The following DDHD2 variants were observed in gnomAD, a reference collection of about 807,000 sequenced individuals.
DDHD2 encodes the protein triacylglycerol hydrolase DDHD2.
Under a neutral mutation model 91.2 loss-of-function variants are expected in DDHD2, and 62 were observed. The observed-to-expected ratio is 0.68, with a 90% CI of 0.55 to 0.84. DDHD2 has a LOEUF of 0.84. DDHD2 is among the 40% of genes least tolerant of loss of function. The pLI, the probability that DDHD2 is intolerant of heterozygous loss-of-function variation, is 0.00. For missense variants in DDHD2, 740 were observed against 846.9 expected (o/e 0.87, Z 1.57); for synonymous variants, 271 against 293.9 (o/e 0.92, Z 0.80).
At chr8:38,236,355 GTTT>G (rs1382032419) in intron 3 of DDHD2, among the ~76,000 whole-genome samples, 1 of 144,322 alleles carries the variant, frequency 6.9e-6, no homozygotes, top group African/African-American at 2.6e-5. Context: ...TTTTGTTTTT[GTTT>G]TTGTTTTTGT....
intron 11 of DDHD2, 157 bp from the exon 12 acceptor site, chr8:38,251,755 T>G: frequency 1.7e-6 from 1 of 579,800 alleles, no homozygotes; most frequent in Middle Eastern, 4.5e-4. Context: ...TCCCCATACT[T>G]TTTTTTTAAA....
chr8:38,242,320 G>A lies in DDHD2; in HGVS notation c.783G>A (p.Gln261=), dbSNP rs1563303384. The A allele has an allele frequency of 6.2e-7, 1 of 1,609,666 alleles. No homozygotes were observed. Among genetic ancestry groups the A allele is most frequent in the Non-Finnish European group, 8.5e-7 (1 of 1,178,666 alleles). Residue 261 remains glutamine, a synonymous_variant, in exon 7 of 18, where the codon CAG becomes CAA. Coordinates refer to ENST00000397166, the MANE Select transcript of DDHD2 (RefSeq NM_015214.3). ...THFKKAQENQ[Q]IGRVEFLPVN... is the part of the protein sequence containing the mutation. ...TTAAGAAAGCCCAAGAAAATCAGCA[G>A]ATTGGGAGGGTAGAATTTCTTCCAG...
At position 38,237,528 on chromosome 8, in the gene DDHD2, T is replaced by A; in HGVS notation, c.412-10T>A. 6.7e-7 allele frequency: 1 copy of A among 1,500,090 alleles called. No individual in the cohort carries two copies. Among genetic ancestry groups the A allele is most frequent in the Non-Finnish European group, 9.2e-7 (1 of 1,087,172 alleles). The allele number at this position is 1,500,090 out of a possible 1,614,324, so 92.9% of individuals were successfully genotyped here. On this transcript the variant is annotated splice_polypyrimidine_tract_variant and intron_variant, in intron 3 of 17. Transcript: ENST00000397166. ...CTAGAGAACTCTAATGAAATGTGTT[T>A]TCTTTTAAGGAAACTTACATGCTTG...
At chr8:38,243,533 A>G (rs1378368358) in intron 7 of DDHD2, among the ~76,000 whole-genome samples, 1 of 152,134 alleles carries the variant, frequency 6.6e-6, no homozygotes, top group Non-Finnish European at 1.5e-5. Context: ...CCCAGCCCTA[A>G]CAAGCCTCAA....
intron 9 of DDHD2, 92 bp downstream of exon 9, chr8:38,246,392 G>T: frequency 2.2e-6 from 2 of 891,972 alleles, no homozygotes; most frequent in South Asian, 1.5e-5. Flanking sequence ...GCTGAGTTTA[G>T]TTTCATGTCA....
In DDHD2 at chr8:38,268,898, G is replaced by A. The variant is rs183632132; in HGVS notation, n.88-2224G>A. 8.0e-4 allele frequency: 1,238 copies of A among 1,556,620 alleles called. 11 individuals carry two copies. In the African/African-American group the frequency reaches 0.015, roughly 19 times the overall value. On this transcript the variant is annotated intron_variant and non_coding_transcript_variant, in intron 1 of 1. Transcript: ENST00000526071. ...TCCACGCACAAACATCGGCTTGGTG[G>A]GGAAATACTCCGCCTCCACGTAGGG...
chr8:38,254,075 CAA>C (rs76331678), intron 16 of DDHD2, among the ~76,000 whole-genome samples: 3 of 133,420 alleles, frequency 2.2e-5, no homozygotes, highest in African/African-American at 2.8e-5. Flanking sequence ...GACCCTGTCT[CAA>C]AAAAAAAAAA....
chr8:38,257,749 C>T (rs957642203), intron 16 of DDHD2, among the ~76,000 whole-genome samples: 1 of 147,766 alleles, frequency 6.8e-6, no homozygotes, highest in Non-Finnish European at 1.5e-5. Flanking sequence ...ACTGCAACCT[C>T]TGCCTGCCAG....
intron 11 of DDHD2, chr8:38,251,026 T>TAAG (rs1806067554): frequency 6.6e-6 from 1 of 152,216 alleles, no homozygotes; most frequent in African/African-American, 2.4e-5. Context: ...TCACTGAATT[T>TAAG]CTAACTCCAT....
intron 1 of DDHD2, chr8:38,268,778 G>C: frequency 6.9e-7 from 1 of 1,441,040 alleles, no homozygotes; most frequent in Non-Finnish European, 9.1e-7. Flanking sequence ...GCAGCGGAGT[G>C]GGCAGTGGGT....
At chr8:38,268,736 C>A in intron 1 of DDHD2, 1 of 1,434,038 alleles carries the variant, frequency 7.0e-7, no homozygotes, top group African/African-American at 1.4e-5. Flanking sequence ...ATCTTAAACA[C>A]TCGAGCCCTA....
intron 5 of DDHD2, 180 bp downstream of exon 5, chr8:38,238,389 A>G: frequency 7.3e-7 from 1 of 1,376,578 alleles, no homozygotes; most frequent in Non-Finnish European, 9.4e-7. Flanking sequence ...AGATGTAAAA[A>G]TATCTTTTAA....
intron 16 of DDHD2, among the ~76,000 whole-genome samples, chr8:38,253,937 G>A (rs938633472): frequency 2.6e-5 from 4 of 152,002 alleles, no homozygotes; most frequent in African/African-American, 4.8e-5. Context: ...TTAGCTGGGC[G>A]TGGTGGTATG....
intron 6 of DDHD2, 46 bp from the exon 7 acceptor site, chr8:38,242,204 G>A: frequency 6.8e-7 from 1 of 1,479,732 alleles, no homozygotes; most frequent in Non-Finnish European, 9.2e-7. Context: ...AGATTCTACA[G>A]ATTTGTTACT....
rs537449086 is a variant in DDHD2 at position 38,235,702 on chromosome 8, C to T, written c.411+1118C>T. On this transcript the variant is annotated intron_variant, in intron 3 of 17. Coordinates refer to ENST00000397166, the MANE Select transcript of DDHD2 (RefSeq NM_015214.3). ...CACCATTGAACTACAGCCTGGGCAA[C>T]GAGCAAAACTCCATCTCAAAAAAAA... Among the ~76,000 whole-genome samples the T allele has an allele frequency of 7.7e-5, 11 of 143,280 alleles. No homozygotes were observed. The East Asian group carries it at 2.2e-3, about 29-fold the overall frequency. The allele number at this position is 143,280 out of a possible 152,430, so 94.0% of individuals were successfully genotyped here.
In DDHD2 at chr8:38,245,747, T is replaced by C; in HGVS notation, c.854T>C (p.Leu285Pro). 1.2e-6 allele frequency: 2 copies of C among 1,613,952 alleles called. No homozygotes were observed. The highest frequency in any genetic ancestry group is 1.7e-6 in the Non-Finnish European group (2 of 1,179,946). The change falls in exon 8 of 18, where the codon CTG becomes CCG. Residue 285 changes from leucine (L) to proline (P), a missense_variant. Coordinates refer to ENST00000397166, the MANE Select transcript of DDHD2 (RefSeq NM_015214.3). ...PLHSTGVDVD[L>P]QRITLPSINR... ...ATTATTTTTCCTTTTTTCAGAGATC[T>C]GCAGCGAATAACCCTGCCCAGCATT...
At chr8:38,245,210 T>A (rs906834323) in intron 7 of DDHD2, among the ~76,000 whole-genome samples, 3 of 151,768 alleles carry the variant, frequency 2.0e-5, no homozygotes, top group Non-Finnish European at 4.4e-5. Flanking sequence ...GGCAGGTAGA[T>A]CATCTGAGGT....
At chr8:38,234,654 A>T in intron 3 of DDHD2, 70 bp downstream of exon 3, 1 of 1,334,580 alleles carries the variant, frequency 7.5e-7, no homozygotes, top group South Asian at 1.5e-5. Context: ...TTCCTTTGTA[A>T]TTTATTTTGT....
intron 1 of DDHD2, chr8:38,268,640 C>G (rs1025752207): frequency 6.1e-5 from 87 of 1,437,416 alleles, no homozygotes; most frequent in Middle Eastern, 1.9e-4. Context: ...GGCTCGGGCC[C>G]CGGTACCTCA....
Sources: allele counts gnomAD v4.1 joint callset (sites outside exome capture counted in the v4.1 genomes callset), GRCh38; gene constraint gnomAD v4.1.1; transcripts MANE v1.5; gene names NCBI Gene and HGNC (gene_info 2026-07-23, HGNC 2026-07-21).